NAALADL2: variants seen among roughly 807,000 people sequenced by gnomAD.
NAALADL2 encodes N-acetylated alpha-linked acidic dipeptidase like 2.
A neutral mutation model predicts 87.2 loss-of-function variants in NAALADL2; 76 were observed. That is an observed-to-expected ratio of 0.87 (90% confidence interval 0.72 to 1.05). The LOEUF (loss-of-function observed/expected upper bound fraction) is 1.05, where lower values mean the gene tolerates loss of function less well. Ranked by LOEUF, NAALADL2 falls within the 50% of genes least tolerant of loss-of-function variation. The pLI, the probability that NAALADL2 is intolerant of heterozygous loss-of-function variation, is 0.00. For synonymous variants in NAALADL2, 354 were observed against 331.0 expected (o/e 1.07, Z -0.75); for missense variants, 1,089 against 945.8 (o/e 1.15, Z -1.99).
At chr3:174,912,089 C>T (rs1358520980) in intron 1 of NAALADL2, among the ~76,000 whole-genome samples, 1 of 152,082 alleles carries the variant, frequency 6.6e-6, no homozygotes, top group African/African-American at 2.4e-5. Flanking sequence ...ACTATACTCT[C>T]TGTAGCCTCT....
rs187565192 is a variant in NAALADL2, at chr3:175,186,559, A to G, written c.546-47372A>G. Among the ~76,000 whole-genome samples the G allele has an allele frequency of 4.1e-3, 629 of 152,260 alleles. 5 individuals carry two copies. The highest frequency in any genetic ancestry group is 0.014 in the African/African-American group (602 of 41,576). On this transcript the variant is annotated intron_variant, in intron 2 of 13. Coordinates refer to ENST00000454872, the MANE Select transcript of NAALADL2 (RefSeq NM_207015.3). ...TGTTGTAAAATTTTACTTTATAGAA[A>G]GAGATAAAGAGATTTACACCTAAAG...
chr3:175,487,925 T>C (rs1263438729), intron 9 of NAALADL2, among the ~76,000 whole-genome samples: 1 of 152,142 alleles, frequency 6.6e-6, no homozygotes, highest in Non-Finnish European at 1.5e-5. Flanking sequence ...CAAAGAACTA[T>C]GTAGTCTGGG....
intron 1 of NAALADL2, among the ~76,000 whole-genome samples, chr3:175,048,352 C>A (rs1336833900): frequency 6.6e-6 from 1 of 152,016 alleles, no homozygotes; most frequent in African/African-American, 2.4e-5. Context: ...TTTTTTTCTA[C>A]TGCATTTTCA....
At position 175,324,631 on chromosome 3, in the gene NAALADL2, G is replaced by T. The variant is rs573779450; in HGVS notation, c.1090+306G>T. 3.9e-5 allele frequency among the ~76,000 whole-genome samples: 6 copies of T among 152,246 alleles called. No homozygotes were observed. In the East Asian group the frequency reaches 1.2e-3, roughly 29 times the overall value. On this transcript the variant is annotated intron_variant, in intron 5 of 13. Coordinates refer to ENST00000454872, the MANE Select transcript of NAALADL2 (RefSeq NM_207015.3). Reference sequence around the variant, plus strand: ...GACAAATTAACACCAGGTGTGACAGGTACTCCAGGTAAGCCAATAGCATGT... The same window carrying T: ...GACAAATTAACACCAGGTGTGACAGTTACTCCAGGTAAGCCAATAGCATGT...
At chr3:174,938,660 C>G (rs949988248) in intron 1 of NAALADL2, among the ~76,000 whole-genome samples, 1 of 152,004 alleles carries the variant, frequency 6.6e-6, no homozygotes, top group Non-Finnish European at 1.5e-5. Flanking sequence ...TAAGTGTTCT[C>G]TTTTCTCCAA....
In NAALADL2 at chr3:175,541,669, T is replaced by C. The variant is rs1364780216; in HGVS notation, c.1654-34372T>C. Among the ~76,000 whole-genome samples, 4 of 152,104 alleles carry C rather than the reference T, an allele frequency of 2.6e-5. No individual in the cohort carries two copies. In the East Asian group the frequency reaches 7.7e-4, roughly 29 times the overall value. Reference sequence around the variant, plus strand: ...CAAGATACACTTGTTTCCTTTTTTTTCCCCTCAAATACCCTAAGGCCAATA... The same window carrying C: ...CAAGATACACTTGTTTCCTTTTTTTCCCCCTCAAATACCCTAAGGCCAATA... On this transcript the variant is annotated intron_variant, in intron 9 of 13. Transcript: ENST00000454872.
At chr3:175,325,258 G>C (rs946523750) in intron 5 of NAALADL2, among the ~76,000 whole-genome samples, 4 of 152,144 alleles carry the variant, frequency 2.6e-5, no homozygotes, top group African/African-American at 9.7e-5. Context: ...CTTTCTCCAA[G>C]AAGGAAGCAA....
intron 2 of NAALADL2, among the ~76,000 whole-genome samples, chr3:175,196,609 T>C (rs936238727): frequency 3.9e-5 from 6 of 151,952 alleles, no homozygotes; most frequent in African/African-American, 1.4e-4. Context: ...ACTTCGCATT[T>C]TCTCAAATTG....
intron 9 of NAALADL2, among the ~76,000 whole-genome samples, chr3:175,555,779 A>G (rs1169001045): frequency 6.6e-6 from 1 of 152,150 alleles, no homozygotes; most frequent in Non-Finnish European, 1.5e-5. Context: ...TAAAAATGAT[A>G]ATTCTTAATT....
intron 1 of NAALADL2, among the ~76,000 whole-genome samples, chr3:174,450,869 C>CAAAAAAAAAAAAAAAAAAA (rs761513802): frequency 6.7e-5 from 5 of 74,884 alleles, no homozygotes; most frequent in African/African-American, 1.0e-4. Context: ...GACTCTGTCT[C>CAAAAAAAAAAAAAAAAAAA]AAAAAAAAAA....
chr3:174,798,468 G>A (rs73050150), intron 3 of NAALADL2, among the ~76,000 whole-genome samples: 13,063 of 152,078 alleles, frequency 0.086, 602 homozygotes, highest in Middle Eastern at 0.16. Context: ...TGCAAAAAAC[G>A]GGCAGCTTGG....
At chr3:175,598,912 A>G (rs775446891) in intron 10 of NAALADL2, among the ~76,000 whole-genome samples, 1 of 152,178 alleles carries the variant, frequency 6.6e-6, no homozygotes, top group Non-Finnish European at 1.5e-5. Flanking sequence ...GTAAGAGCGC[A>G]CTGACATTGT....
intron 2 of NAALADL2, among the ~76,000 whole-genome samples, chr3:175,164,231 G>A (rs185385309): frequency 1.5e-4 from 23 of 151,324 alleles, no homozygotes; most frequent in African/African-American, 3.4e-4. Context: ...AATGAGTAAC[G>A]CATTTTTATT....
chr3:175,028,923 A>G (rs1580102603), intron 1 of NAALADL2, among the ~76,000 whole-genome samples: 1 of 151,740 alleles, frequency 6.6e-6, no homozygotes, highest in Non-Finnish European at 1.5e-5. Context: ...TTTTAGAATC[A>G]AAAGTCTCAT....
chr3:175,041,336 T>C (rs945448634), intron 1 of NAALADL2, among the ~76,000 whole-genome samples: 1 of 152,294 alleles, frequency 6.6e-6, no homozygotes, highest in South Asian at 2.1e-4. Flanking sequence ...ATGTTTCAAA[T>C]TTGCTGTTTC....
At chr3:175,319,820 A>C (rs1759617695) in intron 4 of NAALADL2, among the ~76,000 whole-genome samples, 1 of 152,178 alleles carries the variant, frequency 6.6e-6, no homozygotes, top group Non-Finnish European at 1.5e-5. Context: ...ACTGTGTTTC[A>C]AAAAATAAAA....
At chr3:174,744,238 C>T (rs556093204) in intron 3 of NAALADL2, among the ~76,000 whole-genome samples, 2 of 151,748 alleles carry the variant, frequency 1.3e-5, no homozygotes, top group African/African-American at 2.4e-5. Flanking sequence ...ATTATCCAGG[C>T]GGGCCCAATG....
chr3:175,176,329 C>T lies in NAALADL2; in HGVS notation c.546-57602C>T, dbSNP rs1238708147. On this transcript the variant is annotated intron_variant, in intron 2 of 13. Transcript: ENST00000454872. ...TACTAAATAGAATCAAAATATTTTACATAACCTTGACTGATAGTTCTGTGA... is the reference window on the plus strand; with the variant it reads ...TACTAAATAGAATCAAAATATTTTATATAACCTTGACTGATAGTTCTGTGA... Among the ~76,000 whole-genome samples the T allele has an allele frequency of 2.0e-5, 3 of 152,006 alleles. No individual in the cohort carries two copies. The East Asian group carries it at 5.8e-4, about 29-fold the overall frequency.
At chr3:175,633,120 T>C (rs1398963723) in intron 11 of NAALADL2, among the ~76,000 whole-genome samples, 2 of 151,970 alleles carry the variant, frequency 1.3e-5, no homozygotes, top group African/African-American at 4.8e-5. Context: ...AAGACAGAAA[T>C]ATTATAAGGA....
Sources: allele counts gnomAD v4.1 joint callset (sites outside exome capture counted in the v4.1 genomes callset), GRCh38; gene constraint gnomAD v4.1.1; transcripts MANE v1.5; gene names NCBI Gene and HGNC (gene_info 2026-07-23, HGNC 2026-07-21).